Variants in FMN2 observed in about 807,000 individuals in gnomAD.
FMN2 encodes formin 2.
Under a neutral mutation model 142.3 loss-of-function variants are expected in FMN2, and 51 were observed. The ratio of observed to expected loss-of-function variants is 0.36; its 90% CI spans 0.29 to 0.45. The LOEUF (loss-of-function observed/expected upper bound fraction) is 0.45, where lower values mean the gene tolerates loss of function less well. Ranked by LOEUF, FMN2 falls within the 20% of genes least tolerant of loss-of-function variation. FMN2 has a pLI of 1.00. For synonymous variants in FMN2, 882 were observed against 869.8 expected (o/e 1.01, Z -0.25); for missense variants, 1,936 against 2,122.8 (o/e 0.91, Z 1.73).
At chr1:240,394,287 G>A (rs1453005356) in intron 15 of FMN2, among the ~76,000 whole-genome samples, 3 of 152,132 alleles carry the variant, frequency 2.0e-5, no homozygotes, top group African/African-American at 7.2e-5. Flanking sequence ...CAGTTTCTAT[G>A]TTTATTCAAA....
chr1:240,389,746 G>A (rs991057346), intron 14 of FMN2, among the ~76,000 whole-genome samples: 7 of 152,128 alleles, frequency 4.6e-5, no homozygotes, highest in Non-Finnish European at 1.0e-4. Flanking sequence ...GAGCCTCGGA[G>A]TCTGAGACCA....
At chr1:240,247,916 A>G (rs1313888499) in intron 6 of FMN2, among the ~76,000 whole-genome samples, 1 of 152,176 alleles carries the variant, frequency 6.6e-6, no homozygotes, top group East Asian at 1.9e-4. Context: ...GATATTTAGT[A>G]TCCATCATTT....
chr1:240,271,548 A>C (rs1273678559), intron 7 of FMN2, among the ~76,000 whole-genome samples: 1 of 150,886 alleles, frequency 6.6e-6, no homozygotes, highest in Non-Finnish European at 1.5e-5. Flanking sequence ...AGACCTGTTT[A>C]TTATATTTAT....
chr1:240,233,439 T>G (rs1488021811), intron 6 of FMN2, among the ~76,000 whole-genome samples: 3 of 152,096 alleles, frequency 2.0e-5, no homozygotes, highest in Non-Finnish European at 2.9e-5. Context: ...CTTTTAAATT[T>G]CTTTCTCAAA....
At chr1:240,105,234 G>A (rs999059288) in intron 1 of FMN2, among the ~76,000 whole-genome samples, 1 of 149,126 alleles carries the variant, frequency 6.7e-6, no homozygotes, top group African/African-American at 2.5e-5. Context: ...TCAGCCTCCT[G>A]AGTAGCTGGG....
chr1:240,453,920 C>T (rs796783438), intron 16 of FMN2, among the ~76,000 whole-genome samples: 1 of 16,486 alleles, frequency 6.1e-5, no homozygotes, highest in South Asian at 1.4e-3. Context: ...ACCCGGGAAG[C>T]GGAGCTTGCA....
At chr1:240,385,311 C>T (rs980691855) in intron 14 of FMN2, among the ~76,000 whole-genome samples, 13 of 152,216 alleles carry the variant, frequency 8.5e-5, no homozygotes, top group African/African-American at 3.1e-4. Context: ...ACGAGGTTTT[C>T]GTTTTATCCG....
At chr1:240,411,030 G>T (rs1204269760) in intron 15 of FMN2, among the ~76,000 whole-genome samples, 1 of 151,198 alleles carries the variant, frequency 6.6e-6, no homozygotes, top group Non-Finnish European at 1.5e-5. Context: ...GATAATGGTT[G>T]ATGTAATTTT....
At chr1:240,278,576 A>G (rs1313896294) in intron 7 of FMN2, among the ~76,000 whole-genome samples, 2 of 152,146 alleles carry the variant, frequency 1.3e-5, no homozygotes, top group African/African-American at 2.4e-5. Flanking sequence ...AGGAGATTTG[A>G]TATTCCTTAG....
At chr1:240,363,113 G>A (rs1053945498) in intron 14 of FMN2, among the ~76,000 whole-genome samples, 1 of 152,222 alleles carries the variant, frequency 6.6e-6, no homozygotes, top group African/African-American at 2.4e-5. Context: ...TGTTGACTGT[G>A]CCAAAGACTG....
intron 7 of FMN2, among the ~76,000 whole-genome samples, chr1:240,293,346 A>C (rs1166746706): frequency 3.9e-5 from 6 of 152,118 alleles, no homozygotes; most frequent in Admixed American, 1.3e-4. Flanking sequence ...TAGTTTTCTT[A>C]TCATGTAGAG....
intron 5 of FMN2, among the ~76,000 whole-genome samples, chr1:240,209,936 A>G (rs986530179): frequency 6.6e-6 from 1 of 151,428 alleles, no homozygotes. Context: ...AAATAAATAA[A>G]TAAAATGCAC....
At chr1:240,448,040 C>T (rs982842125) in intron 16 of FMN2, among the ~76,000 whole-genome samples, 2 of 152,054 alleles carry the variant, frequency 1.3e-5, no homozygotes, top group Non-Finnish European at 2.9e-5. Flanking sequence ...AACATCGGTC[C>T]CTCTTCTGCC....
At chr1:240,429,255 A>G (rs1675056687) in intron 15 of FMN2, among the ~76,000 whole-genome samples, 1 of 152,216 alleles carries the variant, frequency 6.6e-6, no homozygotes, top group African/African-American at 2.4e-5. Flanking sequence ...TTATCTGTTC[A>G]GTAGACATGT....
At chr1:240,296,186 T>G (rs970239693) in intron 8 of FMN2, among the ~76,000 whole-genome samples, 4 of 147,918 alleles carry the variant, frequency 2.7e-5, no homozygotes, top group Non-Finnish European at 4.5e-5. Context: ...GCTTTTGTTA[T>G]GTAGTACTTT....
At chr1:240,280,906 A>C (rs1156238716) in intron 7 of FMN2, among the ~76,000 whole-genome samples, 1 of 152,174 alleles carries the variant, frequency 6.6e-6, no homozygotes, top group African/African-American at 2.4e-5. Context: ...AACAGAAATG[A>C]AATACAATAT....
At chr1:240,422,105 G>A (rs1239347112) in intron 15 of FMN2, among the ~76,000 whole-genome samples, 1 of 152,114 alleles carries the variant, frequency 6.6e-6, no homozygotes, top group Non-Finnish European at 1.5e-5. Context: ...CAGTTTCATT[G>A]ATCTGTCTGT....
intron 7 of FMN2, among the ~76,000 whole-genome samples, chr1:240,280,281 T>C (rs1436877048): frequency 2.6e-5 from 4 of 152,204 alleles, no homozygotes; most frequent in African/African-American, 4.8e-5. Context: ...AAATTGTGAT[T>C]ATAATCATTG....
chr1:240,208,731 A>G lies in FMN2; in HGVS notation c.3919A>G (p.Arg1307Gly). The change falls in exon 5 of 18, where the codon AGA becomes GGA. Residue 1307 changes from arginine (R) to glycine (G), a missense_variant and splice_region_variant. Coordinates refer to ENST00000319653, the MANE Select transcript of FMN2 (RefSeq NM_020066.5). The part of the protein sequence containing the change: ...YWTRIQLHSK[R>G]DSSTSLIWEK... ...GACCAGGATTCAACTACATAGTAAA[A>G]GGTAACATGAAAGTGAGCTCGTCTT... 1 of 1,603,152 alleles carries G rather than the reference A, an allele frequency of 6.2e-7. No homozygotes were observed. Among genetic ancestry groups the G allele is most frequent in the Non-Finnish European group, 8.5e-7 (1 of 1,171,536 alleles).
Sources: gnomAD v4.1 joint callset for allele counts (sites outside exome capture counted in the v4.1 genomes callset) on GRCh38, gnomAD v4.1.1 for gene constraint, MANE v1.5 for transcripts, NCBI Gene and HGNC (gene_info 2026-07-23, HGNC 2026-07-21) for gene names.